The following PPP1R12B variants were observed in gnomAD, a reference collection of about 807,000 sequenced individuals.
PPP1R12B encodes the protein protein phosphatase 1 regulatory subunit 12B.
PPP1R12B carries 76 observed loss-of-function variants against 126.1 expected under a neutral mutation model. That is an observed-to-expected ratio of 0.60 (90% CI 0.50 to 0.73). PPP1R12B has a LOEUF of 0.73. PPP1R12B is among the 30% of genes least tolerant of loss of function. The pLI is 0.00. For synonymous variants in PPP1R12B, 356 were observed against 434.7 expected (o/e 0.82, Z 2.25); for missense variants, 1,052 against 1,205.1 (o/e 0.87, Z 1.88).
At chr1:202,386,655 C>G (rs1458596163) in intron 1 of PPP1R12B, among the ~76,000 whole-genome samples, 1 of 152,122 alleles carries the variant, frequency 6.6e-6, no homozygotes, top group Non-Finnish European at 1.5e-5. Flanking sequence ...TGTTGACTTT[C>G]TTTGACATTT....
intron 5 of PPP1R12B, among the ~76,000 whole-genome samples, chr1:202,427,893 G>A (rs1669748342): frequency 6.6e-6 from 1 of 151,764 alleles, no homozygotes; most frequent in Admixed American, 6.6e-5. Context: ...CTCGTGATCC[G>A]CCTGCCTCAG....
intron 13 of PPP1R12B, chr1:202,471,937 T>C: frequency 1.9e-6 from 3 of 1,596,932 alleles, no homozygotes; most frequent in East Asian, 4.5e-5. Flanking sequence ...CAGAGGACAG[T>C]GGAGCAGCCA....
At chr1:202,467,400 G>A (rs905642761) in intron 13 of PPP1R12B, among the ~76,000 whole-genome samples, 29 of 150,994 alleles carry the variant, frequency 1.9e-4, no homozygotes, top group Non-Finnish European at 4.0e-4. Context: ...ACAGGCCCCA[G>A]TGTGTGATGT....
chr1:202,437,628 AAG>A (rs529147625), intron 9 of PPP1R12B, among the ~76,000 whole-genome samples, 191 bp from the exon 10 acceptor site: 91 of 152,294 alleles, frequency 6.0e-4, no homozygotes, highest in African/African-American at 2.0e-3. Flanking sequence ...CTTAGGAAGA[AAG>A]AGCCTGGAGA....
intron 18 of PPP1R12B, among the ~76,000 whole-genome samples, chr1:202,535,975 G>T (rs1387933285): frequency 2.0e-5 from 3 of 152,168 alleles, no homozygotes; most frequent in Admixed American, 2.0e-4. Flanking sequence ...CAAATACCCA[G>T]AATTTTACTG....
At chr1:202,506,954 T>C (rs1305640894) in intron 18 of PPP1R12B, among the ~76,000 whole-genome samples, 1 of 152,166 alleles carries the variant, frequency 6.6e-6, no homozygotes, top group Non-Finnish European at 1.5e-5. Context: ...ATGCTAGATA[T>C]CCTAAAATGC....
At position 202,569,141 on chromosome 1, in the gene PPP1R12B, A is replaced by G. The variant is rs1013980448; in HGVS notation, c.2812-6A>G. 6.2e-7 allele frequency: 1 copy of G among 1,612,964 alleles called. No individual in the cohort carries two copies. Among genetic ancestry groups the G allele is most frequent in the African/African-American group, 1.3e-5 (1 of 74,874 alleles). ...AATGTTCAACAGTCTCATTGTTCCG[A>G]AACAGGAGAGGCGAGCCTTGGAGCG... is the stretch of plus-strand genomic sequence containing the variant. On this transcript the variant is annotated splice_polypyrimidine_tract_variant and splice_region_variant and intron_variant, in intron 22 of 23. Coordinates refer to ENST00000608999, the MANE Select transcript of PPP1R12B (RefSeq NM_002481.4).
intron 1 of PPP1R12B, among the ~76,000 whole-genome samples, chr1:202,365,070 G>GT (rs1658956306): frequency 1.3e-5 from 2 of 152,108 alleles, no homozygotes; most frequent in Admixed American, 6.6e-5. Flanking sequence ...CATATTAATT[G>GT]GTTTTTTTTC....
intron 1 of PPP1R12B, among the ~76,000 whole-genome samples, chr1:202,354,446 G>A (rs1339573275): frequency 6.6e-6 from 1 of 152,152 alleles, no homozygotes; most frequent in African/African-American, 2.4e-5. Context: ...GTGCATGTCT[G>A]TAGTTGCAGC....
chr1:202,549,090 G>T (rs574367897), intron 18 of PPP1R12B, among the ~76,000 whole-genome samples: 1 of 152,172 alleles, frequency 6.6e-6, no homozygotes, highest in African/African-American at 2.4e-5. Flanking sequence ...GTTCCCTATT[G>T]GGGGTATGAA....
intron 18 of PPP1R12B, among the ~76,000 whole-genome samples, chr1:202,548,806 C>CTATATATATATATATATA (rs1378767072): frequency 1.3e-5 from 1 of 76,400 alleles, no homozygotes; most frequent in Non-Finnish European, 2.8e-5. Context: ...CTCTCTCTCT[C>CTATATATATATATATATA]TCTATATATA....
At position 202,425,562 on chromosome 1, in the gene PPP1R12B, G is replaced by C; in HGVS notation, c.542-4G>C. 5.0e-6 allele frequency: 8 copies of C among 1,613,440 alleles called. No individual in the cohort carries two copies. Among genetic ancestry groups the C allele is most frequent in the Non-Finnish European group, 6.8e-6 (8 of 1,179,592 alleles). ...CCTGGCTGTCTGGTATCTGGTTTCT[G>C]TAGGAGTTGATCTAGAGCAGTCAAG... On this transcript the variant is annotated splice_polypyrimidine_tract_variant and splice_region_variant and intron_variant, in intron 3 of 23. Transcript: ENST00000608999.
intron 18 of PPP1R12B, among the ~76,000 whole-genome samples, chr1:202,504,138 T>G (rs548729739): frequency 4.7e-4 from 72 of 152,150 alleles, no homozygotes; most frequent in Non-Finnish European, 8.8e-4. Flanking sequence ...CTCACGCGTG[T>G]AATCCCAGCA....
intron 13 of PPP1R12B, among the ~76,000 whole-genome samples, chr1:202,461,435 A>G (rs1674299320): frequency 6.6e-6 from 1 of 152,194 alleles, no homozygotes; most frequent in South Asian, 2.1e-4. Context: ...TGCAAACTAC[A>G]AAACAATTTA....
chr1:202,380,138 T>G (rs1162695309), intron 1 of PPP1R12B, among the ~76,000 whole-genome samples: 5 of 140,522 alleles, frequency 3.6e-5, no homozygotes, highest in Non-Finnish European at 7.5e-5. Flanking sequence ...TTTGCTTAAC[T>G]GCTCCTGCTC....
chr1:202,426,515 T>C (rs1419450556), intron 4 of PPP1R12B, among the ~76,000 whole-genome samples: 1 of 152,192 alleles, frequency 6.6e-6, no homozygotes, highest in Admixed American at 6.5e-5. Flanking sequence ...ATGGTAAATA[T>C]AGTGTCCTAG....
At position 202,590,405 on chromosome 1, in the gene PPP1R12B, C is replaced by T. The variant is rs1690062132; in HGVS notation, c.*9845C>T. 1 of 151,882 alleles carries T rather than the reference C, an allele frequency of 6.6e-6. No homozygotes were observed. The highest frequency in any genetic ancestry group is 1.5e-5 in the Non-Finnish European group (1 of 68,054). The allele number at this position is 151,882 out of a possible 1,614,324, so 9.4% of individuals were successfully genotyped here. On this transcript the variant is annotated 3_prime_UTR_variant, in exon 24 of 24. Transcript: ENST00000608999. ...CACCAGAGTGCCAATCTGGTCTTCC[C>T]CCAACCCCAGGAGAGAGGGGACCTC...
At chr1:202,470,661 AG>A (rs1184291241) in intron 13 of PPP1R12B, among the ~76,000 whole-genome samples, 1 of 152,134 alleles carries the variant, frequency 6.6e-6, no homozygotes. Context: ...TGGGAGGCAG[AG>A]GTGGGACGAT....
rs1437692305 is a variant in PPP1R12B at position 202,591,844 on chromosome 1, A to G, written c.*11284A>G. 6.5e-6 allele frequency: 1 copy of G among 152,720 alleles called. No individual in the cohort carries two copies. The highest frequency in any genetic ancestry group is 1.5e-5 in the Non-Finnish European group (1 of 68,116). The allele number at this position is 152,720 out of a possible 1,614,324, so 9.5% of individuals were successfully genotyped here. ...CCTCCACAGGGACCCCAGGAAAGGT[A>G]TCCAGAACCATGGAGTCCCACTGCT... On this transcript the variant is annotated 3_prime_UTR_variant, in exon 24 of 24. Transcript: ENST00000608999.
Sources: allele counts gnomAD v4.1 joint callset (sites outside exome capture counted in the v4.1 genomes callset), GRCh38; gene constraint gnomAD v4.1.1; transcripts MANE v1.5; gene names NCBI Gene and HGNC (gene_info 2026-07-23, HGNC 2026-07-21).